The following XKR9 variants were observed in gnomAD, a reference collection of about 807,000 sequenced individuals.
XKR9 encodes the protein XK-related protein 9.
XKR9 carries 32 observed loss-of-function variants against 32.0 expected under a neutral mutation model. That is an observed-to-expected ratio of 1.00 (90% confidence interval 0.76 to 1.34). The LOEUF (loss-of-function observed/expected upper bound fraction) is 1.34. Among genes scored for constraint, XKR9 ranks in the 40% most tolerant of loss-of-function variants. The pLI is 0.00. For synonymous variants in XKR9, 168 were observed against 143.4 expected (o/e 1.17, Z -1.22); for missense variants, 546 against 429.7 (o/e 1.27, Z -2.39).
the XKR9 span, among the ~76,000 whole-genome samples, chr8:70,964,363 C>G: frequency 6.6e-6 from 1 of 152,132 alleles, no homozygotes; most frequent in Non-Finnish European, 1.5e-5. Context: ...GTTTTGGTTA[C>G]TGTAGCCTTG....
At chr8:70,775,806 G>T (rs566448226) in intron 2 of XKR9, among the ~76,000 whole-genome samples, 2 of 151,280 alleles carry the variant, frequency 1.3e-5, no homozygotes, top group Admixed American at 6.6e-5. Context: ...CTACAGTGGC[G>T]CAATCATGGC....
the XKR9 span, among the ~76,000 whole-genome samples, chr8:71,020,848 G>A: frequency 8.5e-5 from 13 of 152,184 alleles, no homozygotes; most frequent in Middle Eastern, 3.4e-3. Context: ...TCAAACATTA[G>A]CATTTATCCC....
intron 4 of XKR9, among the ~76,000 whole-genome samples, chr8:70,709,305 A>G (rs1447027228): frequency 6.6e-6 from 1 of 152,134 alleles, no homozygotes; most frequent in Non-Finnish European, 1.5e-5. Context: ...TATACGTAAA[A>G]TAATGGAACC....
intron 3 of XKR9, among the ~76,000 whole-genome samples, chr8:70,681,615 A>G (rs954836803): frequency 3.3e-5 from 5 of 152,062 alleles, no homozygotes; most frequent in Non-Finnish European, 7.4e-5. Flanking sequence ...CAGAACTTTT[A>G]TCTTCTGTGT....
At chr8:70,849,768 A>G in the XKR9 span, among the ~76,000 whole-genome samples, 7 of 152,250 alleles carry the variant, frequency 4.6e-5, no homozygotes, top group African/African-American at 1.4e-4. Context: ...TAGACACAAT[A>G]AAAAATGATA....
At chr8:70,692,532 T>A (rs551029715) in intron 3 of XKR9, among the ~76,000 whole-genome samples, 1 of 152,244 alleles carries the variant, frequency 6.6e-6, no homozygotes, top group Non-Finnish European at 1.5e-5. Flanking sequence ...TTTTGCCCAT[T>A]CGGTATGATG....
intron 4 of XKR9, among the ~76,000 whole-genome samples, chr8:70,708,659 A>G (rs190812287): frequency 1.3e-5 from 2 of 152,286 alleles, no homozygotes; most frequent in East Asian, 3.9e-4. Context: ...GGAAGAAAAT[A>G]TGCAAAATGT....
At chr8:70,684,123 A>G (rs1022974844) in intron 3 of XKR9, among the ~76,000 whole-genome samples, 5 of 151,894 alleles carry the variant, frequency 3.3e-5, no homozygotes, top group African/African-American at 9.7e-5. Flanking sequence ...GTTTAATTAT[A>G]TGTTTAGATG....
At chr8:71,035,362 A>T in the XKR9 span, among the ~76,000 whole-genome samples, 1 of 152,186 alleles carries the variant, frequency 6.6e-6, no homozygotes, top group African/African-American at 2.4e-5. Flanking sequence ...GGGTCCAAGA[A>T]TGTAATAAAC....
intron 3 of XKR9, among the ~76,000 whole-genome samples, chr8:70,687,884 G>A (rs138649180): frequency 9.2e-5 from 14 of 152,194 alleles, no homozygotes; most frequent in Non-Finnish European, 1.9e-4. Context: ...CCATCTTTAT[G>A]AATGTTTCAT....
the XKR9 span, among the ~76,000 whole-genome samples, chr8:70,946,005 C>T: frequency 5.3e-5 from 8 of 151,936 alleles, no homozygotes; most frequent in African/African-American, 9.7e-5. Context: ...CATGGTGGTG[C>T]GCGCCTGTAG....
chr8:71,048,954 G>A, the XKR9 span, among the ~76,000 whole-genome samples: 1 of 152,166 alleles, frequency 6.6e-6, no homozygotes, highest in Admixed American at 6.5e-5. Context: ...AATGTACTTG[G>A]TTTGAAGCCA....
chr8:70,870,728 A>G, the XKR9 span, among the ~76,000 whole-genome samples: 1 of 152,228 alleles, frequency 6.6e-6, no homozygotes, highest in East Asian at 1.9e-4. Context: ...AGAAAGTTCT[A>G]GTTCCATGGC....
the XKR9 span, among the ~76,000 whole-genome samples, chr8:70,885,630 T>C: frequency 6.6e-6 from 1 of 151,924 alleles, no homozygotes; most frequent in South Asian, 2.1e-4. Flanking sequence ...TGCGTCTTGC[T>C]CTGTCATCCA....
At chr8:70,908,823 G>A in the XKR9 span, among the ~76,000 whole-genome samples, 1 of 152,024 alleles carries the variant, frequency 6.6e-6, no homozygotes, top group African/African-American at 2.4e-5. Flanking sequence ...ATAAAAAAAA[G>A]GCATTAAGTC....
At chr8:70,721,621 T>C (rs1401755508) in intron 4 of XKR9, among the ~76,000 whole-genome samples, 1 of 152,172 alleles carries the variant, frequency 6.6e-6, no homozygotes, top group Non-Finnish European at 1.5e-5. Context: ...TTTGAGTGAG[T>C]TTCTTAATCC....
chr8:71,028,540 C>T, the XKR9 span, among the ~76,000 whole-genome samples: 1 of 152,066 alleles, frequency 6.6e-6, no homozygotes, highest in East Asian at 1.9e-4. Context: ...TTCAGCTAGA[C>T]AGGCGGAACA....
At chr8:70,981,349 T>C in the XKR9 span, among the ~76,000 whole-genome samples, 2 of 152,158 alleles carry the variant, frequency 1.3e-5, no homozygotes, top group Non-Finnish European at 2.9e-5. Flanking sequence ...AATTATTTTT[T>C]CTTTGTCTTT....
At chr8:70,891,270 T>A in the XKR9 span, among the ~76,000 whole-genome samples, 1 of 151,984 alleles carries the variant, frequency 6.6e-6, no homozygotes, top group Non-Finnish European at 1.5e-5. Context: ...ATCTTTTGTA[T>A]TTTTTAGTCT....
Sources: gnomAD v4.1 joint callset for allele counts (sites outside exome capture counted in the v4.1 genomes callset) on GRCh38, gnomAD v4.1.1 for gene constraint, MANE v1.5 for transcripts, NCBI Gene and HGNC (gene_info 2026-07-23, HGNC 2026-07-21) for gene names.